The following RBM20 variants were observed in gnomAD, a reference collection of about 807,000 sequenced individuals.
The protein encoded by RBM20 is RNA binding motif protein 20.
A neutral mutation model predicts 110.1 loss-of-function variants in RBM20; 51 were observed. That is an observed-to-expected ratio of 0.46 (90% CI 0.37 to 0.59). The LOEUF (loss-of-function observed/expected upper bound fraction) is 0.59, where lower values mean the gene tolerates loss of function less well. Ranked by LOEUF, RBM20 falls within the 20% of genes least tolerant of loss-of-function variation. RBM20 has a pLI of 0.00. For missense variants in RBM20, 1,512 were observed against 1,574.9 expected, an observed-to-expected ratio of 0.96 and a Z score of 0.68; for synonymous variants, 589 against 618.2, an observed-to-expected ratio of 0.95 and a Z score of 0.70.
chr10:110,833,391 A>AAAAAAAAAAAG lies in RBM20; in HGVS notation c.3573+2219_3573+2220insGAAAAAAAAAA, dbSNP rs1491515761. ...GTGACGGAGCGAAACTCTGTCTCAGAAAAAAAAAAAAAAAAGAAATGCAGC... is the reference window on the plus strand; with the variant it reads ...GTGACGGAGCGAAACTCTGTCTCAGAAAAAAAAAAAGAAAAAAAAAAAAAAAGAAATGCAGC... On this transcript the variant is annotated intron_variant, in intron 13 of 13. Transcript: ENST00000369519. Among the ~76,000 whole-genome samples the AAAAAAAAAAAG allele has an allele frequency of 1.7e-4, 5 of 29,052 alleles. 1 individual carries two copies. Among genetic ancestry groups the AAAAAAAAAAAG allele is most frequent in the Admixed American group, 1.0e-3 (2 of 1,982 alleles). The allele number at this position is 29,052 out of a possible 152,430, so 19.1% of individuals were successfully genotyped here.
intron 9 of RBM20, among the ~76,000 whole-genome samples, chr10:110,815,467 C>G (rs1385310606): frequency 6.6e-6 from 1 of 152,190 alleles, no homozygotes; most frequent in Non-Finnish European, 1.5e-5. Flanking sequence ...ATCCCAAGGA[C>G]CTGGTGAACC....
chr10:110,782,020 T>A, intron 2 of RBM20, 136 bp downstream of exon 2: 1 of 1,064,760 alleles, frequency 9.4e-7, no homozygotes, highest in Non-Finnish European at 1.4e-6. Context: ...TATTCTTGAC[T>A]AAAATCACAG....
rs150890793 is a variant in RBM20, at chr10:110,719,751, T to C, written c.192-61050T>C. ...AAGTTAGAGATTTCATCCAGTATTG[T>C]CATCTTTGTCTTAGTTTCTTCATCT... On this transcript the variant is annotated intron_variant, in intron 1 of 13. Coordinates refer to ENST00000369519, the MANE Select transcript of RBM20 (RefSeq NM_001134363.3). Among the ~76,000 whole-genome samples the C allele has an allele frequency of 2.0e-3, 312 of 152,324 alleles. 1 individual carries two copies. Among genetic ancestry groups the C allele is most frequent in the Non-Finnish European group, 3.6e-3 (243 of 68,026 alleles).
intron 5 of RBM20, among the ~76,000 whole-genome samples, chr10:110,795,956 G>A (rs1231981486): frequency 6.6e-6 from 1 of 152,208 alleles, no homozygotes; most frequent in African/African-American, 2.4e-5. Flanking sequence ...GACCAGAATA[G>A]CTCCTCTTTT....
chr10:110,833,390 GAAAAA>G (rs56842641), intron 13 of RBM20, among the ~76,000 whole-genome samples: 1 of 62,202 alleles, frequency 1.6e-5, no homozygotes, highest in Middle Eastern at 0.013. Context: ...CTCTGTCTCA[GAAAAA>G]AAAAAAAAAA....
At chr10:110,794,355 T>A (rs1384576783) in intron 5 of RBM20, among the ~76,000 whole-genome samples, 1 of 152,156 alleles carries the variant, frequency 6.6e-6, no homozygotes, top group Non-Finnish European at 1.5e-5. Flanking sequence ...ATAGAACACA[T>A]AAAAATTAAT....
intron 1 of RBM20, among the ~76,000 whole-genome samples, chr10:110,706,866 T>A (rs1225449411): frequency 1.3e-5 from 2 of 152,234 alleles, no homozygotes; most frequent in Admixed American, 1.3e-4. Flanking sequence ...CAGGCCTTTT[T>A]GTGGCTTTTG....
intron 5 of RBM20, among the ~76,000 whole-genome samples, chr10:110,796,554 G>T (rs1380473004): frequency 6.6e-6 from 1 of 152,134 alleles, no homozygotes; most frequent in Admixed American, 6.5e-5. Flanking sequence ...GACTAGCCTG[G>T]GCAATACAGC....
chr10:110,737,701 T>C (rs954481367), intron 1 of RBM20, among the ~76,000 whole-genome samples: 9 of 152,208 alleles, frequency 5.9e-5, no homozygotes, highest in African/African-American at 2.2e-4. Flanking sequence ...CTCAGTTTTA[T>C]GTTCGTAACA....
chr10:110,830,505 C>G (rs542360337), intron 12 of RBM20, among the ~76,000 whole-genome samples: 3 of 152,066 alleles, frequency 2.0e-5, no homozygotes, highest in Admixed American at 2.0e-4. Context: ...AATGGCCCCC[C>G]CAAAAGAGGC....
intron 13 of RBM20, among the ~76,000 whole-genome samples, chr10:110,833,404 A>AAAAAAAAAAAAC (rs1845082645): frequency 6.7e-6 from 1 of 149,684 alleles, no homozygotes; most frequent in African/African-American, 2.5e-5. Context: ...AAAAAAAAAA[A>AAAAAAAAAAAAC]AAGAAATGCA....
chr10:110,822,521 AAGAG>A (rs1162399226), intron 11 of RBM20: 1 of 455,944 alleles, frequency 2.2e-6, no homozygotes, highest in Admixed American at 2.4e-5. Context: ...GACATCATGA[AAGAG>A]AGAGTTTAAA....
rs772991270 is a variant in RBM20, at chr10:110,812,318, C to T, written c.1921C>T (p.Arg641Trp). Residue 641 changes from arginine (R) to tryptophan (W), a missense_variant, in exon 9 of 14, where the codon CGG becomes TGG. This residue lies in a region of RBM20 where 1,149 missense variants were observed against 1,169.4 expected (regional missense o/e 0.98). Coordinates refer to ENST00000369519, the MANE Select transcript of RBM20 (RefSeq NM_001134363.3). ...ERPRSRSPVS[R>W]SLSPRSHTPS... ...GCCGCGGTCTCGTAGTCCGGTGAGC[C>T]GGTCACTCTCCCCGAGGTCCCACAC... The T allele has an allele frequency of 1.3e-5, 20 of 1,550,766 alleles. No homozygotes were observed. Among genetic ancestry groups the T allele is most frequent in the South Asian group, 1.2e-4 (10 of 84,036 alleles).
chr10:110,747,568 G>A (rs1207813713), intron 1 of RBM20, among the ~76,000 whole-genome samples: 2 of 152,098 alleles, frequency 1.3e-5, no homozygotes, highest in African/African-American at 4.8e-5. Context: ...CTTAATCGTG[G>A]GTTACAATGC....
chr10:110,767,733 C>T (rs1282370184), intron 1 of RBM20, among the ~76,000 whole-genome samples: 1 of 151,928 alleles, frequency 6.6e-6, no homozygotes, highest in Non-Finnish European at 1.5e-5. Flanking sequence ...AGACGATGGG[C>T]GGCCGGGCAG....
At chr10:110,824,804 C>T (rs568595005) in intron 12 of RBM20, among the ~76,000 whole-genome samples, 1 of 152,252 alleles carries the variant, frequency 6.6e-6, no homozygotes, top group African/African-American at 2.4e-5. Flanking sequence ...GTAGCAGCTG[C>T]TCAGAAGGAG....
chr10:110,815,850 T>G (rs1255700276), intron 9 of RBM20, among the ~76,000 whole-genome samples: 4 of 152,202 alleles, frequency 2.6e-5, no homozygotes, highest in African/African-American at 7.2e-5. Flanking sequence ...GTTCTGCCTC[T>G]TACAACCCTG....
Position 110,772,843 on chromosome 10 carries a change from C to T in RBM20, c.192-7958C>T, listed in dbSNP as rs1049462683. On this transcript the variant is annotated intron_variant, in intron 1 of 13. Coordinates refer to ENST00000369519, the MANE Select transcript of RBM20 (RefSeq NM_001134363.3). ...CATATTTTCCAGAGCACCTGCACATCACGTTTGATCTTTACAGTGAGTGGA... is the reference window on the plus strand; with the variant it reads ...CATATTTTCCAGAGCACCTGCACATTACGTTTGATCTTTACAGTGAGTGGA... Among the ~76,000 whole-genome samples the T allele has an allele frequency of 1.2e-4, 19 of 152,192 alleles. 1 individual carries two copies. The highest frequency in any genetic ancestry group is 9.2e-4 in the Admixed American group (14 of 15,276).
chr10:110,767,394 C>T (rs1235453340), intron 1 of RBM20, among the ~76,000 whole-genome samples: 1 of 150,490 alleles, frequency 6.6e-6, no homozygotes, highest in Non-Finnish European at 1.5e-5. Context: ...GGGGGCTGAC[C>T]CCCACCTCCC....
Sources: allele counts gnomAD v4.1 joint callset (sites outside exome capture counted in the v4.1 genomes callset), GRCh38; gene constraint gnomAD v4.1.1; regional missense constraint gnomAD v4.1.1; transcripts MANE v1.5; gene names NCBI Gene and HGNC (gene_info 2026-07-23, HGNC 2026-07-21).